The following RPTOR variants were observed in gnomAD, a reference collection of about 807,000 sequenced individuals.
RPTOR encodes regulatory-associated protein of mTOR.
Under a neutral mutation model 169.9 loss-of-function variants are expected in RPTOR, and 21 were observed. The ratio of observed to expected loss-of-function variants is 0.12; its 90% CI spans 0.09 to 0.18. The LOEUF (loss-of-function observed/expected upper bound fraction) is 0.18. RPTOR is among the 10% of genes least tolerant of loss of function. The pLI is 1.00. For missense variants in RPTOR, 1,133 were observed against 1,855.9 expected (o/e 0.61, Z 7.16); for synonymous variants, 732 against 753.2 (o/e 0.97, Z 0.46).
intron 5 of RPTOR, among the ~76,000 whole-genome samples, chr17:80,738,965 A>C (rs2066458105): frequency 3.2e-5 from 1 of 31,042 alleles, no homozygotes; most frequent in Non-Finnish European, 7.9e-5. Context: ...AGCTTTCCCA[A>C]AAATTCTTAG....
At chr17:80,560,655 C>T (rs1044233429) in intron 1 of RPTOR, among the ~76,000 whole-genome samples, 2 of 152,090 alleles carry the variant, frequency 1.3e-5, no homozygotes, top group African/African-American at 2.4e-5. Context: ...TTCAGGGAAA[C>T]GCCACTGGGG....
chr17:80,634,869 CATACTGTGT>C (rs1440158580), intron 2 of RPTOR, among the ~76,000 whole-genome samples: 16 of 70,822 alleles, frequency 2.3e-4, no homozygotes, highest in African/African-American at 6.9e-4. Flanking sequence ...TGTGTGTGTG[CATACTGTGT>C]GCATACTTTG....
chr17:80,807,912 G>A (rs990050281), intron 7 of RPTOR, among the ~76,000 whole-genome samples: 1 of 152,226 alleles, frequency 6.6e-6, no homozygotes, highest in South Asian at 2.1e-4. Flanking sequence ...TAGCCTGGGG[G>A]CCTTAAGAAA....
At chr17:80,879,487 T>A (rs146373584) in intron 13 of RPTOR, among the ~76,000 whole-genome samples, 357 of 149,608 alleles carry the variant, frequency 2.4e-3, no homozygotes, top group African/African-American at 8.4e-3. Flanking sequence ...AGCAGGAGTC[T>A]TTTCCCTCGA....
At chr17:80,944,549 C>T (rs1340593687) in intron 25 of RPTOR, among the ~76,000 whole-genome samples, 1 of 152,220 alleles carries the variant, frequency 6.6e-6, no homozygotes, top group African/African-American at 2.4e-5. Context: ...TGCCGTCACC[C>T]CAAGAGCCCA....
chr17:80,619,110 G>A (rs957119165), intron 1 of RPTOR, among the ~76,000 whole-genome samples: 11 of 152,214 alleles, frequency 7.2e-5, no homozygotes, highest in East Asian at 1.9e-4. Flanking sequence ...CCTAATGAGC[G>A]CTCCCGGGAA....
intron 3 of RPTOR, among the ~76,000 whole-genome samples, chr17:80,691,555 A>G (rs2143741969): frequency 6.6e-6 from 1 of 152,232 alleles, no homozygotes; most frequent in East Asian, 1.9e-4. Context: ...ACCGATGTCC[A>G]CGTCGTTCCA....
chr17:80,685,450 A>T (rs570402255), intron 3 of RPTOR, among the ~76,000 whole-genome samples: 7 of 137,224 alleles, frequency 5.1e-5, no homozygotes, highest in African/African-American at 1.9e-4. Flanking sequence ...TAATTAAAAC[A>T]TTTTTTTTTT....
chr17:80,783,481 T>C lies in RPTOR; in HGVS notation c.831-7969T>C, dbSNP rs557548181. Among the ~76,000 whole-genome samples the C allele has an allele frequency of 2.0e-5, 3 of 152,384 alleles. No homozygotes were observed. In the East Asian group the frequency reaches 5.8e-4, roughly 29 times the overall value. On this transcript the variant is annotated intron_variant, in intron 6 of 33. Transcript: ENST00000306801. ...CCACCCAAATACTTAATCATTTCTTTTTTAAAAAACTGACATTTTTCTTAT... is the reference window on the plus strand; with the variant it reads ...CCACCCAAATACTTAATCATTTCTTCTTTAAAAAACTGACATTTTTCTTAT...
chr17:80,843,587 A>G (rs1186190766), intron 10 of RPTOR, among the ~76,000 whole-genome samples: 1 of 152,006 alleles, frequency 6.6e-6, no homozygotes, highest in African/African-American at 2.4e-5. Context: ...AGAGCCGTAC[A>G]GGGGGGTAGA....
chr17:80,616,669 T>C (rs921616132), intron 1 of RPTOR, among the ~76,000 whole-genome samples: 1 of 152,150 alleles, frequency 6.6e-6, no homozygotes, highest in African/African-American at 2.4e-5. Flanking sequence ...ATGCCTGTAG[T>C]CTGAGCTACT....
At chr17:80,824,732 A>G (rs2067419815) in intron 9 of RPTOR, among the ~76,000 whole-genome samples, 1 of 152,380 alleles carries the variant, frequency 6.6e-6, no homozygotes, top group East Asian at 1.9e-4. Context: ...TTCCCTTACC[A>G]GGAATCAGTC....
chr17:80,965,237 A>G lies in RPTOR; in HGVS notation c.*907A>G. The G allele has an allele frequency of 4.3e-6, 1 of 233,340 alleles. No homozygotes were observed. The highest frequency in any genetic ancestry group is 6.0e-5 in the East Asian group (1 of 16,598). 14.5% of individuals were successfully genotyped at this position (233,340 alleles called of 1,614,324 possible). ...ACAGGTGTAGCACACGCATGTGCAG[A>G]TGGCACCACGGCCGGCACCTGGGGG... is the stretch of plus-strand genomic sequence containing the variant. On this transcript the variant is annotated 3_prime_UTR_variant, in exon 34 of 34. Coordinates refer to ENST00000306801, the MANE Select transcript of RPTOR (RefSeq NM_020761.3).
In RPTOR at chr17:80,947,469, G is replaced by A. The variant is rs906406238; in HGVS notation, c.3265+118G>A. ...CTTACAGAAAGCCCTGCTCACACGC[G>A]AGGGCCACTGTCATTCAGAAGTGGG... On this transcript the variant is annotated intron_variant, in intron 27 of 33. Coordinates refer to ENST00000306801, the MANE Select transcript of RPTOR (RefSeq NM_020761.3). The surrounding 1 kb of genome is among the most constrained non-coding windows in gnomAD (Gnocchi z 4.4). The A allele has an allele frequency of 4.7e-5, 60 of 1,287,092 alleles. No homozygotes were observed. The highest frequency in any genetic ancestry group is 7.7e-5 in the African/African-American group (5 of 65,154). 79.7% of individuals were successfully genotyped at this position (1,287,092 alleles called of 1,614,324 possible).
Position 80,562,332 on chromosome 17 carries a change from G to A in RPTOR, c.162+16541G>A, listed in dbSNP as rs765377671. Among the ~76,000 whole-genome samples, 21 of 152,186 alleles carry A rather than the reference G, an allele frequency of 1.4e-4. No individual in the cohort carries two copies. Among genetic ancestry groups the A allele is most frequent in the Non-Finnish European group, 2.5e-4 (17 of 68,042 alleles). ...GTTGAAATTGTTGCCTAAAACGATC[G>A]CTGATCTTGTGCCCCTCAGTGTGTG... On this transcript the variant is annotated intron_variant, in intron 1 of 33. Coordinates refer to ENST00000306801, the MANE Select transcript of RPTOR (RefSeq NM_020761.3). This position sits in a 1 kb window ranked among gnomAD's most constrained non-coding sequence, Gnocchi z 4.4.
intron 1 of RPTOR, among the ~76,000 whole-genome samples, chr17:80,599,214 G>A (rs1276152981): frequency 6.6e-6 from 1 of 152,196 alleles, no homozygotes; most frequent in Non-Finnish European, 1.5e-5. Flanking sequence ...GGCGTGTGCT[G>A]TGAGGAAACC....
In RPTOR at chr17:80,893,832, G is replaced by T. The variant is rs1196323454; in HGVS notation, c.2368G>T (p.Ala790Ser). The T allele has an allele frequency of 9.8e-6, 15 of 1,534,730 alleles. No homozygotes were observed. Among genetic ancestry groups the T allele is most frequent in the Non-Finnish European group, 1.3e-5 (15 of 1,137,862 alleles). ...SFETIDKMRR[A>S]SSYSSLNSLI... ...CGAGACCATCGACAAGATGCGCCGC[G>T]CCAGCTCCTACTCCTCCCTCAACTC... Residue 790 changes from alanine to serine, a missense_variant, in exon 20 of 34, where the codon GCC becomes TCC. By Grantham distance (99) the Ala-to-Ser change is moderately conservative. Around this residue, in one of 9 missense-constraint regions of RPTOR, gnomAD observed 150 missense variants for 206.4 expected, o/e 0.73. Transcript: ENST00000306801.
intron 1 of RPTOR, among the ~76,000 whole-genome samples, chr17:80,571,907 G>T (rs983886391): frequency 9.2e-5 from 14 of 152,258 alleles, no homozygotes; most frequent in African/African-American, 3.1e-4. Flanking sequence ...TCTCAGTATC[G>T]TATTGATAAG....
intron 3 of RPTOR, among the ~76,000 whole-genome samples, chr17:80,667,915 T>C (rs945252262): frequency 3.3e-5 from 5 of 152,110 alleles, no homozygotes; most frequent in African/African-American, 1.2e-4. Flanking sequence ...ATCATTTTAG[T>C]GGGAAAATCC....
Sources: gnomAD v4.1 joint callset for allele counts (sites outside exome capture counted in the v4.1 genomes callset) on GRCh38, gnomAD v4.1.1 for gene constraint, gnomAD v4.1.1 regional missense constraint, Gnocchi (gnomAD v3.1) non-coding constraint, MANE v1.5 for transcripts, NCBI Gene and HGNC (gene_info 2026-07-23, HGNC 2026-07-21) for gene names.